Variants in FAM193A observed in about 807,000 individuals in gnomAD.
FAM193A encodes the protein family with sequence similarity 193 member A.
In FAM193A, 22 loss-of-function variants were observed where a neutral mutation model predicts 126.5. That is an observed-to-expected ratio of 0.17 (90% CI 0.12 to 0.25). FAM193A has a LOEUF of 0.25. Among genes scored for constraint, FAM193A ranks in the 10% least tolerant of loss-of-function variants. The probability of loss-of-function intolerance (pLI) is 1.00; values close to 1 mark genes in which losing one functional copy is unlikely to be tolerated. For missense variants in FAM193A, 1,675 were observed against 1,672.8 expected (o/e 1.00, Z -0.02); for synonymous variants, 761 against 646.8 (o/e 1.18, Z -2.68).
intron 1 of FAM193A, among the ~76,000 whole-genome samples, chr4:2,543,894 A>AAC (rs1307114081): frequency 2.9e-5 from 4 of 137,578 alleles, no homozygotes; most frequent in Admixed American, 2.1e-4. Flanking sequence ...AAAAAAAAAA[A>AAC]ACCAAAAAAT....
At chr4:2,617,992 T>C (rs973281031) in intron 2 of FAM193A, among the ~76,000 whole-genome samples, 5 of 152,230 alleles carry the variant, frequency 3.3e-5, no homozygotes, top group Non-Finnish European at 7.3e-5. Context: ...GGGTAGCTTC[T>C]GTTTGAAATC....
chr4:2,644,497 C>T (rs993706699), intron 6 of FAM193A, among the ~76,000 whole-genome samples: 2 of 152,144 alleles, frequency 1.3e-5, no homozygotes, highest in Non-Finnish European at 2.9e-5. Context: ...AGATCCCTGG[C>T]GCCACTGGAG....
At chr4:2,686,053 T>C (rs1263032008) in intron 13 of FAM193A, among the ~76,000 whole-genome samples, 7 of 152,234 alleles carry the variant, frequency 4.6e-5, no homozygotes, top group Non-Finnish European at 8.8e-5. Context: ...GGTGGACTTA[T>C]AAAGTCATGG....
At chr4:2,560,666 C>G (rs1387934125) in intron 1 of FAM193A, among the ~76,000 whole-genome samples, 1 of 152,178 alleles carries the variant, frequency 6.6e-6, no homozygotes, top group Non-Finnish European at 1.5e-5. Context: ...AAACTCAGTG[C>G]AGAATTTATG....
intron 2 of FAM193A, among the ~76,000 whole-genome samples, chr4:2,602,786 A>G (rs1279320860): frequency 2.3e-4 from 33 of 141,820 alleles, no homozygotes; most frequent in Middle Eastern, 4.6e-3. Context: ...TCAGCCTCCC[A>G]AGTAGCTGGG....
chr4:2,676,384 A>G (rs544750298), intron 13 of FAM193A, among the ~76,000 whole-genome samples: 141 of 152,290 alleles, frequency 9.3e-4, no homozygotes, highest in African/African-American at 2.8e-3. Flanking sequence ...CCACAGATAC[A>G]TTGTAGTTTT....
intron 10 of FAM193A, among the ~76,000 whole-genome samples, chr4:2,662,451 C>T (rs966988830): frequency 1.3e-5 from 2 of 152,188 alleles, no homozygotes; most frequent in Non-Finnish European, 2.9e-5. Flanking sequence ...CTAAGGTTGC[C>T]ATCGGTACCC....
chr4:2,618,865 C>G (rs532149733), intron 2 of FAM193A, among the ~76,000 whole-genome samples: 14 of 151,882 alleles, frequency 9.2e-5, no homozygotes, highest in African/African-American at 3.1e-4. Flanking sequence ...CAAAGTGTTG[C>G]GATTACAGGT....
chr4:2,679,797 T>C (rs1409656141), intron 13 of FAM193A, among the ~76,000 whole-genome samples: 3 of 152,162 alleles, frequency 2.0e-5, no homozygotes, highest in African/African-American at 7.2e-5. Context: ...GTATTAATTC[T>C]TTAAATATTT....
intron 13 of FAM193A, among the ~76,000 whole-genome samples, chr4:2,688,259 C>A (rs1361415662): frequency 6.6e-6 from 1 of 152,144 alleles, no homozygotes; most frequent in East Asian, 1.9e-4. Flanking sequence ...AAGTAGGTCT[C>A]GAATTATAAC....
chr4:2,672,477 G>A lies in FAM193A; in HGVS notation c.2331+105G>A. On this transcript the variant is annotated intron_variant, in intron 13 of 20. Transcript: ENST00000637812. ...GTGAATTAGCAACTTGCATAGGATA[G>A]CATCTGCTCTGGATAGGAAGGTCTC... is the stretch of plus-strand genomic sequence containing the variant. The A allele has an allele frequency of 3.2e-6, 4 of 1,253,014 alleles. No homozygotes were observed. In the Admixed American group the frequency reaches 6.2e-5, roughly 20 times the overall value. 77.6% of individuals were successfully genotyped at this position (1,253,014 alleles called of 1,614,324 possible).
chr4:2,700,109 G>T lies in FAM193A; in HGVS notation c.3937G>T (p.Val1313Leu), dbSNP rs1717538899. The T allele has an allele frequency of 3.7e-6, 6 of 1,613,822 alleles. No homozygotes were observed. Among genetic ancestry groups the T allele is most frequent in the Admixed American group, 1.7e-5 (1 of 59,976 alleles). Residue 1313 changes from valine to leucine, a missense_variant, in exon 19 of 21, where the codon GTG becomes TTG. Transcript: ENST00000637812. ...RDSKFLLPKE[V>L]NGKQHEPLSF... ...CTCCAAATTTCTCCTCCCCAAGGAG[G>T]TGAATGGGAAGCAGCATGAGCCACT... is the stretch of plus-strand genomic sequence containing the variant.
chr4:2,671,840 A>G (rs933311716), intron 12 of FAM193A, among the ~76,000 whole-genome samples: 2 of 152,212 alleles, frequency 1.3e-5, no homozygotes, highest in Admixed American at 1.3e-4. Context: ...ACATGTGGGA[A>G]GAGAGATTTT....
Position 2,657,889 on chromosome 4 carries a change from G to A in FAM193A, c.1389+9G>A, listed in dbSNP as rs759310709. 2 of 1,578,226 alleles carry A rather than the reference G, an allele frequency of 1.3e-6. No homozygotes were observed. Among genetic ancestry groups the A allele is most frequent in the Admixed American group, 1.7e-5 (1 of 57,596 alleles). ...GATTCATTGAAGAACAGGTAAGCTTGTCAATAAGAGAGGCAATTAAAGGAA... is the reference window on the plus strand; with the variant it reads ...GATTCATTGAAGAACAGGTAAGCTTATCAATAAGAGAGGCAATTAAAGGAA... On this transcript the variant is annotated intron_variant, in intron 8 of 20. Transcript: ENST00000637812.
At chr4:2,642,080 G>T (rs1054685430) in intron 6 of FAM193A, among the ~76,000 whole-genome samples, 3 of 149,614 alleles carry the variant, frequency 2.0e-5, no homozygotes. Flanking sequence ...CATGAGGTCA[G>T]GAGATCGAAA....
intron 1 of FAM193A, among the ~76,000 whole-genome samples, chr4:2,539,920 ATGAAACCCCAGAGATGG>A (rs2108799784): frequency 6.6e-6 from 1 of 151,608 alleles, no homozygotes; most frequent in East Asian, 2.0e-4. Context: ...TTGACAGATG[ATGAAACCCCAGAGATGG>A]TGAAACCCCG....
intron 4 of FAM193A, among the ~76,000 whole-genome samples, chr4:2,628,762 C>G (rs551023004): frequency 2.2e-4 from 33 of 152,246 alleles, no homozygotes; most frequent in Middle Eastern, 3.4e-3. Context: ...GAGTAGCAGC[C>G]AGTGTGTAGT....
intron 5 of FAM193A, among the ~76,000 whole-genome samples, chr4:2,632,957 C>T (rs151164237): frequency 6.6e-6 from 1 of 152,356 alleles, no homozygotes; most frequent in East Asian, 1.9e-4. Flanking sequence ...GTGAAGACAG[C>T]AGCTGTTGCT....
chr4:2,694,494 C>T (rs1716807036), intron 16 of FAM193A, among the ~76,000 whole-genome samples: 1 of 152,068 alleles, frequency 6.6e-6, no homozygotes, highest in South Asian at 2.1e-4. Context: ...ATCTCGAACT[C>T]CTGACCTCAA....
Sources: allele counts gnomAD v4.1 joint callset (sites outside exome capture counted in the v4.1 genomes callset), GRCh38; gene constraint gnomAD v4.1.1; transcripts MANE v1.5; gene names NCBI Gene and HGNC (gene_info 2026-07-23, HGNC 2026-07-21).